ITGAD: variants seen among roughly 807,000 people sequenced by gnomAD.
ITGAD encodes the protein integrin alpha-D.
In ITGAD, 105 loss-of-function variants were observed where a neutral mutation model predicts 139.0. The ratio of observed to expected loss-of-function variants is 0.76; its 90% confidence interval spans 0.65 to 0.89. The LOEUF (loss-of-function observed/expected upper bound fraction) is 0.89, where lower values mean the gene tolerates loss of function less well. Ranked by LOEUF, ITGAD falls within the 40% of genes least tolerant of loss-of-function variation. ITGAD has a pLI of 0.00. For synonymous variants in ITGAD, 569 were observed against 598.3 expected (o/e 0.95, Z 0.71); for missense variants, 1,384 against 1,487.3 (o/e 0.93, Z 1.14).
chr16:31,397,701 T>TGGGGC (rs2081304221), intron 4 of ITGAD, 35 bp downstream of exon 4: 3 of 261,492 alleles, frequency 1.1e-5, no homozygotes, highest in Non-Finnish European at 1.9e-5. Flanking sequence ...GGGGGTGGGG[T>TGGGGC]GGGGCGGGGG....
Position 31,402,112 on chromosome 16 carries a change from CAG to C in ITGAD, c.428_429del, listed in dbSNP as rs778913773. On this transcript the variant is annotated splice_acceptor_variant, in intron 5 of 29. Transcript: ENST00000389202. LOFTEE classifies it high-confidence loss of function. Reference sequence around the variant, plus strand: ...TCTCCGATTCCTCCCCATTCCCCCACAGAGTGTCCACATCAAGAGATGGACAT... The same window carrying C: ...TCTCCGATTCCTCCCCATTCCCCCACAGTGTCCACATCAAGAGATGGACAT... The C allele has an allele frequency of 6.2e-7, 1 of 1,613,494 alleles. No individual in the cohort carries two copies. The highest frequency in any genetic ancestry group is 1.1e-5 in the South Asian group (1 of 91,034).
chr16:31,397,860 G>A lies in ITGAD; in HGVS notation c.378G>A (p.Leu126=). 6.2e-7 allele frequency: 1 copy of A among 1,613,700 alleles called. No homozygotes were observed. ...ENSYSKGSCL[L]LGSRWEIIQT... is the part of the protein sequence containing the mutation. ...CATACTCAAAGGGTTCCTGCCTCCT[G>A]CTGGGCTCGCGCTGGGAGATCATCC... Residue 126 remains leucine, a synonymous_variant, in exon 5 of 30, where the codon CTG becomes CTA. Transcript: ENST00000389202.
In ITGAD at chr16:31,397,597, C is replaced by A. The variant is rs976487968; in HGVS notation, c.243C>A (p.Ile81=). Residue 81 remains isoleucine, a splice_region_variant and synonymous_variant, in exon 4 of 30, where the codon ATC becomes ATA. Transcript: ENST00000389202. ...GACCCCGCGTGTCTGCCCTTGCAGT[C>A]CGCCCTGAGGCCGTGAACATGTCCT... ...TGMCQPIPLH[I]RPEAVNMSLG... The A allele has an allele frequency of 2.5e-5, 40 of 1,606,782 alleles. No homozygotes were observed. Among genetic ancestry groups the A allele is most frequent in the Non-Finnish European group, 2.9e-5 (34 of 1,179,822 alleles).
chr16:31,415,023 C>T (rs1419965902), intron 18 of ITGAD, 32 bp downstream of exon 18: 18 of 1,611,880 alleles, frequency 1.1e-5, no homozygotes, highest in Non-Finnish European at 1.5e-5. Context: ...CAGGGATGTG[C>T]TGACTTCATT....
At chr16:31,397,757 C>A (rs898411953) in intron 4 of ITGAD, 38 bp from the exon 5 acceptor site, 3 of 1,597,864 alleles carry the variant, frequency 1.9e-6, no homozygotes, top group Non-Finnish European at 2.6e-6. Context: ...GGAGGAGGGG[C>A]TGCTAGGGAC....
At chr16:31,418,895 G>A (rs1343835745) in intron 23 of ITGAD, among the ~76,000 whole-genome samples, 6 of 152,050 alleles carry the variant, frequency 3.9e-5, no homozygotes, top group Middle Eastern at 3.4e-3. Context: ...GTGGTCATGC[G>A]TGCCTGTAAT....
intron 23 of ITGAD, 109 bp from the exon 24 acceptor site, chr16:31,423,005 G>A (rs537648305): frequency 3.5e-6 from 3 of 868,998 alleles, no homozygotes; most frequent in African/African-American, 1.7e-5. Flanking sequence ...AATGTCCATC[G>A]TTATTTCCCT....
At chr16:31,416,143 T>C (rs1476190479) in intron 18 of ITGAD, 70 bp from the exon 19 acceptor site, 2 of 1,269,058 alleles carry the variant, frequency 1.6e-6, no homozygotes, top group Non-Finnish European at 2.2e-6. Flanking sequence ...TGTTGGAGAG[T>C]GCTTCTAAGG....
Position 31,411,311 on chromosome 16 carries a change from G to C in ITGAD, c.1501G>C (p.Val501Leu). ...TGACACTGCTTGTGTTCAGCAGAGGGTGCAGTGGCAGTGTGACGCTGTTCT... is the reference window on the plus strand; with the variant it reads ...TGACACTGCTTGTGTTCAGCAGAGGCTGCAGTGGCAGTGTGACGCTGTTCT... ...VSVCPLPRGRVQWQCDAVLRG... is the reference protein window; with the variant it reads ...VSVCPLPRGRLQWQCDAVLRG... Residue 501 changes from valine to leucine, a missense_variant, in exon 14 of 30, where the codon GTG (valine) becomes CTG (leucine). By Grantham distance (32) the Val-to-Leu change is conservative (BLOSUM62 1). Transcript: ENST00000389202. The C allele has an allele frequency of 6.2e-7, 1 of 1,612,346 alleles. No homozygotes were observed. Among genetic ancestry groups the C allele is most frequent in the South Asian group, 1.1e-5 (1 of 91,010 alleles).
intron 26 of ITGAD, 66 bp from the exon 27 acceptor site, chr16:31,423,779 A>G (rs557922534): frequency 6.3e-7 from 1 of 1,579,944 alleles, no homozygotes; most frequent in East Asian, 2.3e-5. Flanking sequence ...AAACCTGACC[A>G]TATTTTTTCC....
rs1024712767 is a variant in ITGAD at position 31,424,690 on chromosome 16, C to T, written c.3372+113C>T. Reference sequence around the variant, plus strand: ...TTGGCTCACTGCAACCTCCACCTCCCGGGTTCAAGTGATTCTCCTGTCTCA... The same window carrying T: ...TTGGCTCACTGCAACCTCCACCTCCTGGGTTCAAGTGATTCTCCTGTCTCA... On this transcript the variant is annotated intron_variant, in intron 29 of 29. Coordinates refer to ENST00000389202, the MANE Select transcript of ITGAD (RefSeq NM_005353.3). 5.9e-5 allele frequency: 37 copies of T among 622,346 alleles called. No individual in the cohort carries two copies. In the East Asian group the frequency reaches 8.2e-4, roughly 14 times the overall value. The allele number at this position is 622,346 out of a possible 1,614,324, so 38.6% of individuals were successfully genotyped here. A position where few individuals can be genotyped will look rare whatever the true frequency, so the allele number is the denominator to read the frequency against.
chr16:31,411,470 C>T lies in ITGAD; in HGVS notation c.1660C>T (p.Leu554=). Residue 554 remains leucine (L), a synonymous_variant, in exon 14 of 30, where the codon CTG becomes TTG. Coordinates refer to ENST00000389202, the MANE Select transcript of ITGAD (RefSeq NM_005353.3). ...GCAGGAGAACCGGGGTGCTGTCTAC[C>T]TGTTTCACGGAGCCTCAGAATCCGG... The part of the protein sequence containing the change: ...GEQENRGAVY[L]FHGASESGIS... 6.2e-7 allele frequency: 1 copy of T among 1,614,140 alleles called. No homozygotes were observed. The highest frequency in any genetic ancestry group is 8.5e-7 in the Non-Finnish European group (1 of 1,179,998).
intron 29 of ITGAD, among the ~76,000 whole-genome samples, chr16:31,425,694 T>G (rs533268967): frequency 6.6e-6 from 1 of 152,014 alleles, no homozygotes; most frequent in East Asian, 1.9e-4. Context: ...TTCTTCTTTT[T>G]TTTTTTTACA....
intron 11 of ITGAD, 33 bp from the exon 12 acceptor site, chr16:31,410,703 G>A: frequency 6.3e-7 from 1 of 1,596,844 alleles, no homozygotes; most frequent in Non-Finnish European, 8.5e-7. Flanking sequence ...GAGGGGGAAT[G>A]GGGGCCTTTG....
intron 16 of ITGAD, 55 bp downstream of exon 16, chr16:31,413,301 T>G: frequency 6.3e-7 from 1 of 1,579,644 alleles, no homozygotes; most frequent in Non-Finnish European, 8.6e-7. Context: ...GGGGCCCCAA[T>G]GCCATCCTGA....
chr16:31,414,684 C>T (rs1324346621), intron 17 of ITGAD, 79 bp downstream of exon 17: 25 of 1,585,414 alleles, frequency 1.6e-5, no homozygotes, highest in East Asian at 4.5e-5. Flanking sequence ...CTCTGCTGAG[C>T]GAGGTGGGAA....
At chr16:31,420,304 G>C (rs951895062) in intron 23 of ITGAD, among the ~76,000 whole-genome samples, 3 of 152,182 alleles carry the variant, frequency 2.0e-5, no homozygotes, top group African/African-American at 7.2e-5. Context: ...TGCAGGTGGT[G>C]GAGGCACAGG....
intron 9 of ITGAD, 115 bp from the exon 10 acceptor site, chr16:31,408,310 C>A: frequency 1.2e-6 from 1 of 846,886 alleles, no homozygotes; most frequent in Non-Finnish European, 1.9e-6. Flanking sequence ...CTGTTCACAA[C>A]TCACTCAAAA....
rs754208074 is a variant in ITGAD at position 31,423,801 on chromosome 16, C to T, written c.3046-44C>T. On this transcript the variant is annotated intron_variant, in intron 26 of 29. Coordinates refer to ENST00000389202, the MANE Select transcript of ITGAD (RefSeq NM_005353.3). ...ACCATATTTTTTCCTATGGCTCCCT[C>T]CTCAGGGAAGAACCCCTCAGTTTCA... 9 of 1,601,412 alleles carry T rather than the reference C, an allele frequency of 5.6e-6. No individual in the cohort carries two copies. In the East Asian group the frequency reaches 1.6e-4, roughly 28 times the overall value.
Sources: allele counts gnomAD v4.1 joint callset (sites outside exome capture counted in the v4.1 genomes callset), GRCh38; gene constraint gnomAD v4.1.1; transcripts MANE v1.5; gene names NCBI Gene and HGNC (gene_info 2026-07-23, HGNC 2026-07-21).